The following VAPB variants were observed in gnomAD, a reference collection of about 807,000 sequenced individuals.
VAPB encodes vesicle-associated membrane protein-associated protein B/C.
VAPB carries 7 observed loss-of-function variants against 25.6 expected under a neutral mutation model. The observed-to-expected ratio is 0.27, with a 90% confidence interval of 0.16 to 0.51. The LOEUF (loss-of-function observed/expected upper bound fraction) is 0.51. VAPB is among the 20% of genes least tolerant of loss of function. The pLI, the probability that VAPB is intolerant of heterozygous loss-of-function variation, is 0.97. For missense variants in VAPB, 266 were observed against 301.3 expected (o/e 0.88, Z 0.87); for synonymous variants, 112 against 109.2 (o/e 1.03, Z -0.16).
chr20:58,428,403 A>G (rs568173927), intron 2 of VAPB, among the ~76,000 whole-genome samples: 1 of 152,338 alleles, frequency 6.6e-6, no homozygotes, highest in South Asian at 2.1e-4. Context: ...ATCAGTATTC[A>G]CTTGAATACC....
In VAPB at chr20:58,450,716, T is replaced by C; in HGVS notation, c.*6481T>C. ...TGATGTGTGTGTTTATAGTCTTCAA[T>C]GTATGTTAACATGTTAGGAACTGAG... On this transcript the variant is annotated 3_prime_UTR_variant, in exon 6 of 6. Transcript: ENST00000475243. 2.2e-6 allele frequency: 1 copy of C among 453,920 alleles called. No individual in the cohort carries two copies. Among genetic ancestry groups the C allele is most frequent in the Non-Finnish European group, 4.4e-6 (1 of 226,688 alleles). The allele number at this position is 453,920 out of a possible 1,614,324, so 28.1% of individuals were successfully genotyped here. A position where few individuals can be genotyped will look rare whatever the true frequency, so the allele number is the denominator to read the frequency against.
intron 2 of VAPB, among the ~76,000 whole-genome samples, chr20:58,432,983 GCAGTGAAGC>G (rs1357267994): frequency 1.3e-5 from 2 of 152,200 alleles, no homozygotes; most frequent in Non-Finnish European, 2.9e-5. Context: ...GGTCTTGTGG[GCAGTGAAGC>G]TGTCTGGGTG....
chr20:58,443,389 C>G lies in VAPB; in HGVS notation c.574-688C>G, dbSNP rs571305556. Among the ~76,000 whole-genome samples, 9 of 142,078 alleles carry G rather than the reference C, an allele frequency of 6.3e-5. No homozygotes were observed. The South Asian group carries it at 2.0e-3, about 31-fold the overall frequency. 93.2% of individuals were successfully genotyped at this position (142,078 alleles called of 152,430 possible). A position where few individuals can be genotyped will look rare whatever the true frequency, so the allele number is the denominator to read the frequency against. The stretch of plus-strand genomic sequence containing the variant: ...TGCATTTGAAAGCTTCCAGATGTCC[C>G]ACTTTTAGGTTTTTTTTTTTTTTTT... On this transcript the variant is annotated intron_variant, in intron 5 of 5. Coordinates refer to ENST00000475243, the MANE Select transcript of VAPB (RefSeq NM_004738.5).
chr20:58,414,862 G>T (rs1303859279), intron 1 of VAPB, among the ~76,000 whole-genome samples: 1 of 152,230 alleles, frequency 6.6e-6, no homozygotes. Flanking sequence ...ACTCTGGGAG[G>T]CCAAGGCAGG....
At chr20:58,429,339 C>T (rs1380222833) in intron 2 of VAPB, among the ~76,000 whole-genome samples, 1 of 152,208 alleles carries the variant, frequency 6.6e-6, no homozygotes, top group African/African-American at 2.4e-5. Context: ...TGCAGAAGGG[C>T]TGTTGGACCT....
chr20:58,435,741 T>A (rs1989030204), intron 3 of VAPB, among the ~76,000 whole-genome samples: 1 of 152,196 alleles, frequency 6.6e-6, no homozygotes, highest in South Asian at 2.1e-4. Context: ...TTTAGAGAGA[T>A]CAGTGATAAT....
chr20:58,427,177 A>G (rs1988809641), intron 2 of VAPB, among the ~76,000 whole-genome samples: 1 of 150,508 alleles, frequency 6.6e-6, no homozygotes, highest in African/African-American at 2.5e-5. Context: ...GACGAAAGTG[A>G]TCTGTGATCT....
chr20:58,410,758 C>A (rs1166856346), intron 1 of VAPB, among the ~76,000 whole-genome samples: 11 of 152,136 alleles, frequency 7.2e-5, no homozygotes, highest in Admixed American at 7.2e-4. Flanking sequence ...TGTAGTTTTG[C>A]CTTTTCCAGA....
intron 1 of VAPB, among the ~76,000 whole-genome samples, chr20:58,401,894 A>G (rs991556991): frequency 6.6e-6 from 1 of 152,014 alleles, no homozygotes; most frequent in Non-Finnish European, 1.5e-5. Context: ...TGGTACCTAC[A>G]TTCATGCATT....
chr20:58,406,356 T>C (rs897928405), intron 1 of VAPB, among the ~76,000 whole-genome samples: 4 of 152,122 alleles, frequency 2.6e-5, no homozygotes, highest in African/African-American at 9.7e-5. Context: ...AAGGGAAAAA[T>C]AGAAAATATT....
At chr20:58,430,818 C>T (rs915023249) in intron 2 of VAPB, among the ~76,000 whole-genome samples, 5 of 152,292 alleles carry the variant, frequency 3.3e-5, no homozygotes, top group African/African-American at 1.2e-4. Flanking sequence ...TCAGGTGATC[C>T]ACCCGCCTCG....
At position 58,444,204 on chromosome 20, in the gene VAPB, T is replaced by C. The variant is rs780285597; in HGVS notation, c.701T>C (p.Val234Ala). Reference sequence around the variant, plus strand: ...GCTCTGGTGGTTTTGTTCTTTATCGTTGGTGTAATTATTGGGAAGATTGCC... The same window carrying C: ...GCTCTGGTGGTTTTGTTCTTTATCGCTGGTGTAATTATTGGGAAGATTGCC... ...LLALVVLFFI[V>A]GVIIGKIAL The change falls in exon 6 of 6, where the codon GTT (valine) becomes GCT (alanine). Residue 234 changes from valine to alanine, a missense_variant. Physicochemically the swap from Val to Ala is moderately conservative, Grantham distance 64. Coordinates refer to ENST00000475243, the MANE Select transcript of VAPB (RefSeq NM_004738.5). The C allele has an allele frequency of 6.2e-7, 1 of 1,614,224 alleles. No individual in the cohort carries two copies. The highest frequency in any genetic ancestry group is 2.2e-5 in the East Asian group (1 of 44,880).
intron 1 of VAPB, among the ~76,000 whole-genome samples, chr20:58,399,192 G>T (rs1988036173): frequency 6.6e-6 from 1 of 151,796 alleles, no homozygotes; most frequent in Non-Finnish European, 1.5e-5. Flanking sequence ...TCCAGGTACT[G>T]GGGAGGCTGA....
rs997931722 is a variant in VAPB, at chr20:58,446,754, G to A, written c.*2519G>A. On this transcript the variant is annotated 3_prime_UTR_variant, in exon 6 of 6. Transcript: ENST00000475243. The stretch of plus-strand genomic sequence containing the variant: ...GTGGCAGAAGGAAACTGCTCAGGAA[G>A]AGAAACAGGTGACTGATGGGAAGGT... The A allele has an allele frequency of 6.6e-6, 3 of 453,962 alleles. No individual in the cohort carries two copies. Among genetic ancestry groups the A allele is most frequent in the African/African-American group, 6.0e-5 (3 of 49,978 alleles). 28.1% of individuals were successfully genotyped at this position (453,962 alleles called of 1,614,324 possible).
intron 1 of VAPB, among the ~76,000 whole-genome samples, chr20:58,407,332 T>G (rs1014620548): frequency 2.6e-5 from 4 of 152,208 alleles, no homozygotes; most frequent in Admixed American, 1.3e-4. Context: ...AGTGATAACC[T>G]TGATTTTTAT....
At chr20:58,433,191 A>T (rs1374006542) in intron 2 of VAPB, among the ~76,000 whole-genome samples, 2 of 152,096 alleles carry the variant, frequency 1.3e-5, no homozygotes, top group African/African-American at 4.8e-5. Flanking sequence ...TCTAGCTCAT[A>T]TTGGAGTGAC....
intron 3 of VAPB, among the ~76,000 whole-genome samples, chr20:58,437,074 G>C (rs1364067019): frequency 1.6e-5 from 2 of 126,468 alleles, no homozygotes; most frequent in African/African-American, 6.1e-5. Context: ...GTCATGGCTT[G>C]ACCTCCACCT....
rs897250387 is a variant in VAPB, at chr20:58,389,471, G to A, written c.12G>A (p.Val4=). 9 of 1,597,218 alleles carry A rather than the reference G, an allele frequency of 5.6e-6. No individual in the cohort carries two copies. The highest frequency in any genetic ancestry group is 7.7e-6 in the Non-Finnish European group (9 of 1,172,642). The change falls in exon 1 of 6, where the codon GTG becomes GTA. Residue 4 remains valine, a synonymous_variant. Transcript: ENST00000475243. ...CGCCGCTAAGGAACATGGCGAAGGT[G>A]GAGCAGGTCCTGAGCCTCGAGCCGC... MAK[V]EQVLSLEPQH...
In VAPB at chr20:58,441,162, A is replaced by T. The variant is rs1295631429; in HGVS notation, c.573+79A>T. 4 of 1,464,572 alleles carry T rather than the reference A, an allele frequency of 2.7e-6. No individual in the cohort carries two copies. In the South Asian group the frequency reaches 4.7e-5, roughly 17 times the overall value. 90.7% of individuals were successfully genotyped at this position (1,464,572 alleles called of 1,614,324 possible). A position where few individuals can be genotyped will look rare whatever the true frequency, so the allele number is the denominator to read the frequency against. Reference sequence around the variant, plus strand: ...TCTTGGGTGGGGAAGTTGATGAGCCAGTGAATATATAGATTTCTTTTTGCT... The same window carrying T: ...TCTTGGGTGGGGAAGTTGATGAGCCTGTGAATATATAGATTTCTTTTTGCT... On this transcript the variant is annotated intron_variant, in intron 5 of 5. Coordinates refer to ENST00000475243, the MANE Select transcript of VAPB (RefSeq NM_004738.5).
Sources: gnomAD v4.1 joint callset for allele counts (sites outside exome capture counted in the v4.1 genomes callset) on GRCh38, gnomAD v4.1.1 for gene constraint, MANE v1.5 for transcripts, NCBI Gene and HGNC (gene_info 2026-07-23, HGNC 2026-07-21) for gene names.